Variants in NPSR1 observed in about 807,000 individuals in gnomAD.
The protein encoded by NPSR1 is neuropeptide S receptor.
In NPSR1, 48 loss-of-function variants were observed where a neutral mutation model predicts 46.9. The observed-to-expected ratio is 1.02, with a 90% CI of 0.81 to 1.30. The LOEUF (loss-of-function observed/expected upper bound fraction) is 1.30. Among genes scored for constraint, NPSR1 ranks in the 50% most tolerant of loss-of-function variants. The probability of loss-of-function intolerance (pLI) is 0.00; values close to 1 mark genes in which losing one functional copy is unlikely to be tolerated. For missense variants in NPSR1, 450 were observed against 449.5 expected, an observed-to-expected ratio of 1.00 and a Z score of -0.01; for synonymous variants, 176 against 168.1, an observed-to-expected ratio of 1.05 and a Z score of -0.36.
rs1211835833 is a variant in NPSR1, at chr7:34,864,098, C to T, written c.1026-13978C>T. The stretch of plus-strand genomic sequence containing the variant: ...GGACATAGATGAAGCTGGAAACCAT[C>T]ATTCTCAGCAAACTAACACAGGAAC... On this transcript the variant is annotated intron_variant, in intron 8 of 8. Coordinates refer to the NPSR1 transcript ENST00000359791. Among the ~76,000 whole-genome samples, 6 of 151,722 alleles carry T rather than the reference C, an allele frequency of 4.0e-5. 1 individual carries two copies. Among genetic ancestry groups the T allele is most frequent in the African/African-American group, 1.5e-4 (6 of 41,010 alleles).
At chr7:34,721,034 T>C (rs1783830096) in intron 2 of NPSR1, among the ~76,000 whole-genome samples, 1 of 152,098 alleles carries the variant, frequency 6.6e-6, no homozygotes, top group African/African-American at 2.4e-5. Context: ...AAAAATATAT[T>C]TCAAGGAAAT....
intron 2 of NPSR1, among the ~76,000 whole-genome samples, chr7:34,757,271 G>A (rs1284664769): frequency 2.6e-5 from 4 of 152,096 alleles, no homozygotes; most frequent in Admixed American, 2.6e-4. Context: ...CCTTCTGTTA[G>A]GTTGGTGCAA....
intron 1 of NPSR1, among the ~76,000 whole-genome samples, chr7:34,659,515 C>T (rs1425706403): frequency 6.6e-6 from 1 of 152,128 alleles, no homozygotes; most frequent in Non-Finnish European, 1.5e-5. Flanking sequence ...CTGTAACATC[C>T]ACCTCCCTAC....
intron 2 of NPSR1, among the ~76,000 whole-genome samples, chr7:34,696,587 T>G (rs1202785898): frequency 6.6e-6 from 1 of 152,016 alleles, no homozygotes; most frequent in Non-Finnish European, 1.5e-5. Context: ...TAGTTAAACT[T>G]AGCGGCAAAT....
chr7:34,773,511 C>T (rs755249614), intron 2 of NPSR1, among the ~76,000 whole-genome samples: 2 of 152,062 alleles, frequency 1.3e-5, no homozygotes, highest in Non-Finnish European at 2.9e-5. Context: ...AAGCTTATAC[C>T]CAGAATAAGT....
intron 2 of NPSR1, among the ~76,000 whole-genome samples, chr7:34,752,729 A>T (rs1386888027): frequency 6.6e-6 from 1 of 152,202 alleles, no homozygotes; most frequent in Non-Finnish European, 1.5e-5. Flanking sequence ...ACTCAATGAC[A>T]TATTAAATGA....
Position 34,827,419 on chromosome 7 carries a change from T to C in NPSR1, c.497T>C (p.Leu166Pro). Reference protein sequence around the residue: ...FLQGEKQARVLIVIAWSLSFL... With the variant: ...FLQGEKQARVPIVIAWSLSFL... ...TGGGCAGAAAAGCAAGCCAGGGTCC[T>C]CATTGTGATCGCCTGGAGCCTGTCT... Residue 166 changes from leucine to proline, a missense_variant, in exon 5 of 9, where the codon CTC becomes CCC. Transcript: ENST00000360581. The C allele has an allele frequency of 6.2e-7, 1 of 1,614,084 alleles. No homozygotes were observed. Among genetic ancestry groups the C allele is most frequent in the Non-Finnish European group, 8.5e-7 (1 of 1,179,978 alleles).
At chr7:34,757,559 G>C (rs1476839667) in intron 2 of NPSR1, among the ~76,000 whole-genome samples, 1 of 152,128 alleles carries the variant, frequency 6.6e-6, no homozygotes, top group Non-Finnish European at 1.5e-5. Flanking sequence ...AGACACACTG[G>C]AACACAGCCT....
intron 2 of NPSR1, among the ~76,000 whole-genome samples, chr7:34,775,151 G>C (rs903088048): frequency 3.3e-5 from 5 of 152,172 alleles, no homozygotes; most frequent in Non-Finnish European, 1.5e-5. Context: ...CATCTTTGAT[G>C]TAAATGGATC....
intron 2 of NPSR1, among the ~76,000 whole-genome samples, chr7:34,690,866 A>G (rs1793215752): frequency 6.6e-6 from 1 of 152,150 alleles, no homozygotes; most frequent in African/African-American, 2.4e-5. Flanking sequence ...CAGATACAAG[A>G]AACTCAAAAA....
intron 1 of NPSR1, among the ~76,000 whole-genome samples, chr7:34,669,897 G>A (rs73691479): frequency 0.17 from 25,499 of 152,098 alleles, 3,001 homozygotes; most frequent in African/African-American, 0.33. Flanking sequence ...GTGAAAAAAC[G>A]AGAGTGTTTT....
chr7:34,814,839 G>A (rs1403916177), intron 4 of NPSR1, among the ~76,000 whole-genome samples: 4 of 152,216 alleles, frequency 2.6e-5, no homozygotes, highest in Middle Eastern at 3.4e-3. Flanking sequence ...CTGTTACAAC[G>A]GAAACTAACA....
At chr7:34,832,401 C>T (rs1465480850) in intron 5 of NPSR1, among the ~76,000 whole-genome samples, 8 of 152,148 alleles carry the variant, frequency 5.3e-5, no homozygotes, top group South Asian at 2.1e-4. Context: ...GGCATAGTGG[C>T]GCACACTGGT....
chr7:34,801,696 A>G (rs1310918561), intron 3 of NPSR1, among the ~76,000 whole-genome samples: 1 of 147,176 alleles, frequency 6.8e-6, no homozygotes. Flanking sequence ...CCTATTCAAC[A>G]TAGTGTTGGA....
chr7:34,840,962 C>T (rs1005809387), intron 6 of NPSR1, among the ~76,000 whole-genome samples: 1 of 152,122 alleles, frequency 6.6e-6, no homozygotes, highest in African/African-American at 2.4e-5. Flanking sequence ...GCTTAAAATA[C>T]TGAACTGATG....
intron 2 of NPSR1, among the ~76,000 whole-genome samples, chr7:34,713,783 C>T (rs1042977973): frequency 1.3e-5 from 2 of 152,172 alleles, no homozygotes; most frequent in African/African-American, 4.8e-5. Flanking sequence ...TGACCTAGGC[C>T]CATCCCAGGC....
chr7:34,678,430 G>A (rs61330106), intron 1 of NPSR1, among the ~76,000 whole-genome samples: 26,859 of 151,836 alleles, frequency 0.18, 3,474 homozygotes, highest in African/African-American at 0.36. Flanking sequence ...GCATTAACAT[G>A]CTTCTCTTTA....
chr7:34,686,109 A>G (rs970711472), intron 2 of NPSR1: 2 of 152,904 alleles, frequency 1.3e-5, no homozygotes, highest in African/African-American at 4.8e-5. Context: ...ATCAGCTTGA[A>G]ATTTAAAGTT....
In NPSR1 at chr7:34,819,416, A is replaced by G. The variant is rs551098219; in HGVS notation, c.478+7553A>G. 3.3e-5 allele frequency among the ~76,000 whole-genome samples: 5 copies of G among 152,344 alleles called. 1 individual carries two copies. The highest frequency in any genetic ancestry group is 1.3e-4 in the Admixed American group (2 of 15,302). On this transcript the variant is annotated intron_variant, in intron 4 of 8. Transcript: ENST00000360581. ...GTGACCATTAAAAAGTCAGGAAACAACAGGTGCTGGAGAGGATGTGGAGAA... is the reference window on the plus strand; with the variant it reads ...GTGACCATTAAAAAGTCAGGAAACAGCAGGTGCTGGAGAGGATGTGGAGAA...
Sources: allele counts gnomAD v4.1 joint callset (sites outside exome capture counted in the v4.1 genomes callset), GRCh38; gene constraint gnomAD v4.1.1; transcripts MANE v1.5; gene names NCBI Gene and HGNC (gene_info 2026-07-23, HGNC 2026-07-21).